CNTN1: variants seen among roughly 807,000 people sequenced by gnomAD.
CNTN1 encodes the protein contactin 1.
A neutral mutation model predicts 126.4 loss-of-function variants in CNTN1; 38 were observed. The ratio of observed to expected loss-of-function variants is 0.30; its 90% CI spans 0.23 to 0.39. The LOEUF is 0.39. Among genes scored for constraint, CNTN1 ranks in the 10% least tolerant of loss-of-function variants. CNTN1 has a pLI of 1.00. For missense variants in CNTN1, 1,009 were observed against 1,248.4 expected (o/e 0.81, Z 2.89); for synonymous variants, 413 against 422.6 (o/e 0.98, Z 0.28).
At chr12:40,701,901 T>C (rs183095504) in intron 1 of CNTN1, among the ~76,000 whole-genome samples, 23 of 152,250 alleles carry the variant, frequency 1.5e-4, no homozygotes, top group Middle Eastern at 3.4e-3. Flanking sequence ...TATAACAAAG[T>C]ATTCATACTA....
At chr12:40,745,176 A>G (rs1039944713) in intron 1 of CNTN1, among the ~76,000 whole-genome samples, 5 of 152,170 alleles carry the variant, frequency 3.3e-5, no homozygotes, top group African/African-American at 1.2e-4. Context: ...CAGAACTAAA[A>G]TGACTTTATC....
At position 41,016,675 on chromosome 12, in the gene CNTN1, T is replaced by C. The variant is rs1224973120; in HGVS notation, c.2185-7T>C. On this transcript the variant is annotated splice_region_variant and splice_polypyrimidine_tract_variant and intron_variant, in intron 18 of 23. Transcript: ENST00000551295. ...AAAACCTACTCAATCTTTTAATTTCTATTTAGCCTTTGTCAAGAGAATACC... is the reference window on the plus strand; with the variant it reads ...AAAACCTACTCAATCTTTTAATTTCCATTTAGCCTTTGTCAAGAGAATACC... 1 of 1,582,672 alleles carries C rather than the reference T, an allele frequency of 6.3e-7. No homozygotes were observed. Among genetic ancestry groups the C allele is most frequent in the Non-Finnish European group, 8.7e-7 (1 of 1,151,562 alleles).
chr12:40,707,062 A>G (rs868755740), intron 1 of CNTN1, among the ~76,000 whole-genome samples: 27,884 of 144,884 alleles, frequency 0.19, 2,905 homozygotes, highest in African/African-American at 0.25. Flanking sequence ...ACACACACAC[A>G]CACACACACA....
intron 23 of CNTN1, among the ~76,000 whole-genome samples, chr12:41,045,263 T>C (rs1949516628): frequency 6.6e-6 from 1 of 152,094 alleles, no homozygotes; most frequent in African/African-American, 2.4e-5. Context: ...CTTTAATAGA[T>C]ATATGCATCA....
At chr12:40,723,030 C>T (rs1022159729) in intron 1 of CNTN1, among the ~76,000 whole-genome samples, 2 of 152,016 alleles carry the variant, frequency 1.3e-5, no homozygotes, top group Non-Finnish European at 2.9e-5. Context: ...TACTTAAAAT[C>T]TCTCAGCCTG....
chr12:41,045,966 G>A (rs1324562821), intron 23 of CNTN1, among the ~76,000 whole-genome samples: 1 of 152,098 alleles, frequency 6.6e-6, no homozygotes, highest in African/African-American at 2.4e-5. Flanking sequence ...TAAGAAGAGT[G>A]AAGGTTATTG....
chr12:41,024,867 T>A (rs980549568), intron 20 of CNTN1, among the ~76,000 whole-genome samples: 2 of 152,152 alleles, frequency 1.3e-5, no homozygotes, highest in South Asian at 2.1e-4. Flanking sequence ...TGCTTCAAAG[T>A]TTTTGGGATT....
intron 1 of CNTN1, among the ~76,000 whole-genome samples, chr12:40,795,370 G>A (rs1460546929): frequency 7.0e-6 from 1 of 143,880 alleles, no homozygotes; most frequent in Non-Finnish European, 1.5e-5. Context: ...AGGCTGGAGT[G>A]CAGTGGTGCG....
chr12:40,949,090 T>A (rs1403604957), intron 14 of CNTN1, among the ~76,000 whole-genome samples: 3 of 152,200 alleles, frequency 2.0e-5, no homozygotes, highest in Non-Finnish European at 4.4e-5. Flanking sequence ...GTCTTTAGAT[T>A]TTACAAATAT....
At chr12:40,808,616 A>G (rs1940947745) in intron 1 of CNTN1, among the ~76,000 whole-genome samples, 1 of 152,198 alleles carries the variant, frequency 6.6e-6, no homozygotes, top group African/African-American at 2.4e-5. Context: ...TGATTTTTTT[A>G]AACAACCAGC....
chr12:40,876,722 A>C (rs931820758), intron 1 of CNTN1, among the ~76,000 whole-genome samples: 4 of 152,126 alleles, frequency 2.6e-5, no homozygotes, highest in African/African-American at 7.2e-5. Flanking sequence ...TTTTCTTATT[A>C]GCTTTGTTTT....
At chr12:41,058,254 A>C (rs1269655271) in intron 23 of CNTN1, among the ~76,000 whole-genome samples, 1 of 152,202 alleles carries the variant, frequency 6.6e-6, no homozygotes, top group Non-Finnish European at 1.5e-5. Flanking sequence ...GAATTACTTC[A>C]TACATGTTAC....
intron 23 of CNTN1, among the ~76,000 whole-genome samples, chr12:41,068,101 C>T (rs899397629): frequency 7.2e-5 from 11 of 152,254 alleles, no homozygotes; most frequent in Middle Eastern, 3.4e-3. Context: ...TGCAAGAACA[C>T]GGCAGAGAGG....
chr12:40,792,338 A>T (rs1940249709), intron 1 of CNTN1, among the ~76,000 whole-genome samples: 1 of 152,228 alleles, frequency 6.6e-6, no homozygotes, highest in African/African-American at 2.4e-5. Flanking sequence ...TATTTTACTT[A>T]TTGTGACTAT....
chr12:40,997,347 G>GA (rs1379264256), intron 17 of CNTN1, among the ~76,000 whole-genome samples: 2 of 152,032 alleles, frequency 1.3e-5, no homozygotes, highest in Non-Finnish European at 2.9e-5. Flanking sequence ...AAAGGAAAGA[G>GA]AAAAAAGAAT....
intron 1 of CNTN1, among the ~76,000 whole-genome samples, chr12:40,856,571 G>A (rs886549224): frequency 6.6e-6 from 1 of 152,076 alleles, no homozygotes; most frequent in African/African-American, 2.4e-5. Context: ...AAAGTTGAGG[G>A]CTTTGCGTGC....
chr12:40,999,037 G>C (rs1031603078), intron 17 of CNTN1, among the ~76,000 whole-genome samples: 1 of 152,004 alleles, frequency 6.6e-6, no homozygotes, highest in Non-Finnish European at 1.5e-5. Flanking sequence ...AAACATCAAA[G>C]CCCAAAGAGA....
chr12:41,042,572 C>T (rs74822733), intron 23 of CNTN1, among the ~76,000 whole-genome samples: 5,164 of 151,980 alleles, frequency 0.034, 118 homozygotes, highest in Middle Eastern at 0.11. Flanking sequence ...GTAGGTCACT[C>T]AGGACTTGCT....
At chr12:41,058,178 G>A (rs1949866472) in intron 23 of CNTN1, among the ~76,000 whole-genome samples, 1 of 152,038 alleles carries the variant, frequency 6.6e-6, no homozygotes, top group Non-Finnish European at 1.5e-5. Context: ...TCCAAAATGA[G>A]TCAATGCTCC....
Sources: allele counts gnomAD v4.1 joint callset (sites outside exome capture counted in the v4.1 genomes callset), GRCh38; gene constraint gnomAD v4.1.1; transcripts MANE v1.5; gene names NCBI Gene and HGNC (gene_info 2026-07-23, HGNC 2026-07-21).